GFPT2: variants seen among roughly 807,000 people sequenced by gnomAD.
GFPT2 encodes the protein glutamine--fructose-6-phosphate aminotransferase [isomerizing] 2.
Under a neutral mutation model 85.6 loss-of-function variants are expected in GFPT2, and 62 were observed. The observed-to-expected ratio is 0.72, with a 90% CI of 0.59 to 0.90. The LOEUF (loss-of-function observed/expected upper bound fraction) is 0.90, where lower values mean the gene tolerates loss of function less well. Among genes scored for constraint, GFPT2 ranks in the 40% least tolerant of loss-of-function variants. The pLI is 0.00. For missense variants in GFPT2, 788 were observed against 893.4 expected (o/e 0.88, Z 1.50); for synonymous variants, 368 against 344.5 (o/e 1.07, Z -0.75).
At position 180,328,418 on chromosome 5, in the gene GFPT2, C is replaced by A; in HGVS notation, c.535-80G>T. 7.1e-6 allele frequency: 8 copies of A among 1,124,616 alleles called. No homozygotes were observed. Among genetic ancestry groups the A allele is most frequent in the Non-Finnish European group, 1.1e-5 (8 of 737,180 alleles). The allele number at this position is 1,124,616 out of a possible 1,614,324, so 69.7% of individuals were successfully genotyped here. On this transcript the variant is annotated intron_variant, in intron 6 of 18. Transcript: ENST00000253778. This position sits in a 1 kb window ranked among gnomAD's most constrained non-coding sequence, Gnocchi z 5.4. ...CTGGCCACAGCCCAGGTGCGTCTCC[C>A]TGGGCCCCTCCTGATGGCGGGAGGT...
In GFPT2 at chr5:180,353,292, C is replaced by CCTCCGTGGGCTCCGTGGG. The variant is rs199818683; in HGVS notation, c.-93_-76dup. 5 of 949,748 alleles carry CCTCCGTGGGCTCCGTGGG rather than the reference C, an allele frequency of 5.3e-6. No homozygotes were observed. Among genetic ancestry groups the CCTCCGTGGGCTCCGTGGG allele is most frequent in the Admixed American group, 4.3e-5 (1 of 23,140 alleles). 58.8% of individuals were successfully genotyped at this position (949,748 alleles called of 1,614,324 possible). A position where few individuals can be genotyped will look rare whatever the true frequency, so the allele number is the denominator to read the frequency against. ...GGACGCTGGGGCTCCTCCGTGGGCT[C>CCTCCGTGGGCTCCGTGGG]CTCCGTGGGCTCCGTGGGCTCCGTG... On this transcript the variant is annotated 5_prime_UTR_variant, in exon 1 of 19. Transcript: ENST00000253778.
chr5:180,325,139 C>T (rs547415884), intron 7 of GFPT2, among the ~76,000 whole-genome samples: 24 of 152,190 alleles, frequency 1.6e-4, no homozygotes, highest in Non-Finnish European at 2.6e-4. Flanking sequence ...CTCCCACCCT[C>T]CTAGGCCGGG....
chr5:180,343,313 C>T (rs1018575442), intron 1 of GFPT2, among the ~76,000 whole-genome samples: 1 of 152,238 alleles, frequency 6.6e-6, no homozygotes, highest in Non-Finnish European at 1.5e-5. Flanking sequence ...CCGCAAGGCA[C>T]CGCTGACTTT....
intron 10 of GFPT2, 122 bp from the exon 11 acceptor site, chr5:180,317,180 A>C (rs1489693774): frequency 8.3e-6 from 6 of 719,516 alleles, no homozygotes; most frequent in Middle Eastern, 2.4e-4. Flanking sequence ...CCCAGGGATT[A>C]CCCTGCCTGA....
chr5:180,322,462 G>A (rs1251003968), intron 9 of GFPT2, among the ~76,000 whole-genome samples: 1 of 151,720 alleles, frequency 6.6e-6, no homozygotes, highest in Non-Finnish European at 1.5e-5. Flanking sequence ...TTTTCCAGCT[G>A]TGGTGAATAG....
rs199538381 is a variant in GFPT2 at position 180,336,552 on chromosome 5, G to A, written c.141C>T (p.His47=). The change falls in exon 3 of 19, where the codon CAC becomes CAT. Residue 47 remains histidine, a synonymous_variant. Coordinates refer to ENST00000253778, the MANE Select transcript of GFPT2 (RefSeq NM_005110.4). ...SAGVAIDGNN[H]EVKERHIQLV... ...GCTGAATGTGTCTTTCTTTGACTTC[G>A]TGATTATTCCCATCGATCGCCACAC... is the stretch of plus-strand genomic sequence containing the variant. 3.5e-4 allele frequency: 571 copies of A among 1,610,178 alleles called. 4 individuals carry two copies. Among genetic ancestry groups the A allele is most frequent in the Admixed American group, 3.5e-4 (21 of 60,000 alleles).
chr5:180,351,514 C>T (rs1764710510), intron 1 of GFPT2, among the ~76,000 whole-genome samples: 2 of 152,044 alleles, frequency 1.3e-5, no homozygotes, highest in African/African-American at 4.8e-5. Context: ...TCCGAGTGGG[C>T]ACCCCCATGG....
chr5:180,325,765 G>A (rs890168359), intron 7 of GFPT2, among the ~76,000 whole-genome samples: 1 of 152,208 alleles, frequency 6.6e-6, no homozygotes, highest in Non-Finnish European at 1.5e-5. Context: ...AGTGGCTCAC[G>A]CCTGTAATCC....
chr5:180,316,327 C>T lies in GFPT2; in HGVS notation c.1273+14G>A, dbSNP rs1234383522. On this transcript the variant is annotated intron_variant, in intron 13 of 18. Transcript: ENST00000253778. ...ACCTGATGCAAGGCTGGCCACAATG[C>T]CTGTGTCCCTTACCTGACTGGCTGA... The T allele has an allele frequency of 1.2e-5, 19 of 1,613,744 alleles. No homozygotes were observed. The highest frequency in any genetic ancestry group is 1.7e-5 in the Admixed American group (1 of 59,990).
chr5:180,319,240 A>G (rs1764073657), intron 9 of GFPT2, among the ~76,000 whole-genome samples: 1 of 152,252 alleles, frequency 6.6e-6, no homozygotes, highest in South Asian at 2.1e-4. Context: ...CTATAATACC[A>G]TAATCATATC....
In GFPT2 at chr5:180,315,430, A is replaced by G. The variant is rs555620967; in HGVS notation, c.1273+911T>C. ...CCTGACCTCGTGATCCGCCCACCTC[A>G]GCCTCCCAAAGTGCTGGGATTACAG... On this transcript the variant is annotated intron_variant, in intron 13 of 18. Coordinates refer to ENST00000253778, the MANE Select transcript of GFPT2 (RefSeq NM_005110.4). Among the ~76,000 whole-genome samples the G allele has an allele frequency of 3.5e-3, 538 of 152,214 alleles. 3 individuals carry two copies. Among genetic ancestry groups the G allele is most frequent in the African/African-American group, 0.011 (455 of 41,548 alleles).
rs900143121 is a variant in GFPT2 at position 180,349,134 on chromosome 5, G to GA, written c.7+4076dup. Among the ~76,000 whole-genome samples, 47 of 149,642 alleles carry GA rather than the reference G, an allele frequency of 3.1e-4. 1 individual carries two copies. Among genetic ancestry groups the GA allele is most frequent in the South Asian group, 3.1e-3 (14 of 4,590 alleles). ...GGAAGTGATATATATTTAATTAAAAGAAAAAAAAATCTTAAGAAAAGAAGG... is the reference window on the plus strand; with the variant it reads ...GGAAGTGATATATATTTAATTAAAAGAAAAAAAAAATCTTAAGAAAAGAAGG... On this transcript the variant is annotated intron_variant, in intron 1 of 18. Transcript: ENST00000253778.
chr5:180,313,362 C>A (rs902323037), intron 14 of GFPT2, among the ~76,000 whole-genome samples: 1 of 151,110 alleles, frequency 6.6e-6, no homozygotes, highest in South Asian at 2.1e-4. Context: ...GAGGCCGAGG[C>A]GGGCGGATCA....
intron 15 of GFPT2, among the ~76,000 whole-genome samples, chr5:180,309,796 C>T (rs906127144): frequency 1.3e-5 from 2 of 151,738 alleles, no homozygotes; most frequent in African/African-American, 4.9e-5. Flanking sequence ...ATAATTTTTA[C>T]CACCTCATCA....
intron 15 of GFPT2, among the ~76,000 whole-genome samples, chr5:180,310,314 G>C (rs976204552): frequency 1.3e-5 from 2 of 151,786 alleles, no homozygotes; most frequent in African/African-American, 4.8e-5. Flanking sequence ...TGTTGGCCAG[G>C]CTGGTCTCGA....
In GFPT2 at chr5:180,330,275, T is replaced by G. The variant is rs1395672347; in HGVS notation, c.534+425A>C. Among the ~76,000 whole-genome samples the G allele has an allele frequency of 1.3e-5, 2 of 152,140 alleles. No individual in the cohort carries two copies. The highest frequency in any genetic ancestry group is 3.9e-4 in the East Asian group (2 of 5,174). On this transcript the variant is annotated intron_variant, in intron 6 of 18. Transcript: ENST00000253778. The surrounding 1 kb of genome is among the most constrained non-coding windows in gnomAD (Gnocchi z 4.4). Reference sequence around the variant, plus strand: ...AGGTGGAGGTTGCAGTGAGCCAAGATCACACCACTGCACTCCAGCCTGTGC... The same window carrying G: ...AGGTGGAGGTTGCAGTGAGCCAAGAGCACACCACTGCACTCCAGCCTGTGC...
chr5:180,319,942 A>G (rs1764086684), intron 9 of GFPT2, among the ~76,000 whole-genome samples: 1 of 152,166 alleles, frequency 6.6e-6, no homozygotes, highest in African/African-American at 2.4e-5. Context: ...AAGGAGCCCT[A>G]AAAGTAGTCT....
At position 180,307,424 on chromosome 5, in the gene GFPT2, C is replaced by CT. The variant is rs1196114580; in HGVS notation, c.1547-122dup. ...AAACCGCATCACTTAGCACACTTTGCTTCCTCGCATTCGTTTCAAACGTAG... is the reference window on the plus strand; with the variant it reads ...AAACCGCATCACTTAGCACACTTTGCTTTCCTCGCATTCGTTTCAAACGTAG... On this transcript the variant is annotated intron_variant, in intron 15 of 18. Transcript: ENST00000253778. 1.3e-5 allele frequency: 12 copies of CT among 930,514 alleles called. No homozygotes were observed. In the East Asian group the frequency reaches 3.0e-4, roughly 23 times the overall value. 57.6% of individuals were successfully genotyped at this position (930,514 alleles called of 1,614,324 possible).
chr5:180,340,765 C>A (rs547296340), intron 1 of GFPT2, among the ~76,000 whole-genome samples: 209 of 152,114 alleles, frequency 1.4e-3, no homozygotes, highest in African/African-American at 4.8e-3. Flanking sequence ...CTGCCCACCT[C>A]CGCCTCCCAA....
Sources: gnomAD v4.1 joint callset for allele counts (sites outside exome capture counted in the v4.1 genomes callset) on GRCh38, gnomAD v4.1.1 for gene constraint, Gnocchi (gnomAD v3.1) non-coding constraint, MANE v1.5 for transcripts, NCBI Gene and HGNC (gene_info 2026-07-23, HGNC 2026-07-21) for gene names.